The following CAMTA1 variants were observed in gnomAD, a reference collection of about 807,000 sequenced individuals.
The protein encoded by CAMTA1 is calmodulin-binding transcription activator 1.
Under a neutral mutation model 170.9 loss-of-function variants are expected in CAMTA1, and 27 were observed. The ratio of observed to expected loss-of-function variants is 0.16; its 90% confidence interval spans 0.12 to 0.22. The LOEUF is 0.22. CAMTA1 is among the 10% of genes least tolerant of loss of function. The probability of loss-of-function intolerance (pLI) is 1.00; values close to 1 mark genes in which losing one functional copy is unlikely to be tolerated. For missense variants in CAMTA1, 1,619 were observed against 2,217.2 expected (o/e 0.73, Z 5.42); for synonymous variants, 833 against 891.5 (o/e 0.93, Z 1.17).
rs970251730 is a variant in CAMTA1 at position 7,014,549 on chromosome 1, G to C, written c.235-76755G>C. Among the ~76,000 whole-genome samples the C allele has an allele frequency of 6.6e-6, 1 of 152,192 alleles. No homozygotes were observed. Among genetic ancestry groups the C allele is most frequent in the South Asian group, 2.1e-4 (1 of 4,826 alleles). ...GGACTGAGGCCTTTCTGTAACTAAA[G>C]CCCAGCCCAAGTATAGGGAGCAATG... On this transcript the variant is annotated intron_variant, in intron 3 of 22. Transcript: ENST00000303635. This position sits in a 1 kb window ranked among gnomAD's most constrained non-coding sequence, Gnocchi z 4.2.
intron 3 of CAMTA1, among the ~76,000 whole-genome samples, chr1:6,906,354 C>T (rs1678476000): frequency 1.3e-5 from 2 of 152,160 alleles, no homozygotes; most frequent in African/African-American, 2.4e-5. Flanking sequence ...CTGATGCTAG[C>T]TACTTAGAGA....
At chr1:7,545,289 C>G (rs750397857) in intron 6 of CAMTA1, among the ~76,000 whole-genome samples, 2 of 152,184 alleles carry the variant, frequency 1.3e-5, no homozygotes, top group African/African-American at 2.4e-5. Flanking sequence ...CCATCACCCC[C>G]CAAGTATTTT....
chr1:7,523,694 C>T (rs963756056), intron 6 of CAMTA1, among the ~76,000 whole-genome samples: 15 of 146,202 alleles, frequency 1.0e-4, no homozygotes, highest in African/African-American at 3.4e-4. Flanking sequence ...CTGGCTAACA[C>T]GGTGAAACCC....
intron 11 of CAMTA1, among the ~76,000 whole-genome samples, chr1:7,702,784 CGA>C (rs2096456007): frequency 6.6e-6 from 1 of 152,206 alleles, no homozygotes. Flanking sequence ...GTGCCCAGGT[CGA>C]GATTAAAACA....
intron 3 of CAMTA1, among the ~76,000 whole-genome samples, chr1:6,861,102 C>T (rs1664515084): frequency 6.6e-6 from 1 of 151,802 alleles, no homozygotes; most frequent in South Asian, 2.1e-4. Flanking sequence ...GTAGCAGGCA[C>T]ATGCCACCAC....
intron 4 of CAMTA1, among the ~76,000 whole-genome samples, chr1:7,226,284 A>G (rs1274653547): frequency 6.6e-6 from 1 of 152,070 alleles, no homozygotes; most frequent in Non-Finnish European, 1.5e-5. Context: ...CCCTCGTGGA[A>G]TTACAATCAT....
At chr1:6,814,742 G>T (rs1645587239) in intron 1 of CAMTA1, among the ~76,000 whole-genome samples, 2 of 152,202 alleles carry the variant, frequency 1.3e-5, no homozygotes, top group Non-Finnish European at 2.9e-5. Flanking sequence ...TAGTAAAGGT[G>T]CTAAGATTCA....
intron 6 of CAMTA1, among the ~76,000 whole-genome samples, chr1:7,493,196 CACAA>C (rs2093757233): frequency 6.7e-6 from 1 of 150,034 alleles, no homozygotes; most frequent in Admixed American, 6.6e-5. Context: ...CACGCACACA[CACAA>C]ACACAAACCT....
At chr1:6,856,666 C>G (rs1557706175) in intron 3 of CAMTA1, among the ~76,000 whole-genome samples, 1 of 152,142 alleles carries the variant, frequency 6.6e-6, no homozygotes, top group Admixed American at 6.5e-5. Flanking sequence ...AGAATGGGTA[C>G]ATACTTACAC....
In CAMTA1 at chr1:7,249,177, T is replaced by C. The variant is rs1666270061; in HGVS notation, c.303-314T>C. On this transcript the variant is annotated intron_variant, in intron 4 of 22. Coordinates refer to ENST00000303635, the MANE Select transcript of CAMTA1 (RefSeq NM_015215.4). This position sits in a 1 kb window ranked among gnomAD's most constrained non-coding sequence, Gnocchi z 4.4. Reference sequence around the variant, plus strand: ...GGCTCTTTTTGCTTTCTGTCTCTGTTTTGCCTACTTTTCAGTGCAGAGCTC... The same window carrying C: ...GGCTCTTTTTGCTTTCTGTCTCTGTCTTGCCTACTTTTCAGTGCAGAGCTC... Among the ~76,000 whole-genome samples, 1 of 152,140 alleles carries C rather than the reference T, an allele frequency of 6.6e-6. No homozygotes were observed. Among genetic ancestry groups the C allele is most frequent in the Non-Finnish European group, 1.5e-5 (1 of 68,020 alleles).
At chr1:6,960,728 T>C (rs891642607) in intron 3 of CAMTA1, among the ~76,000 whole-genome samples, 1 of 152,220 alleles carries the variant, frequency 6.6e-6, no homozygotes, top group Non-Finnish European at 1.5e-5. Context: ...TTTGTGTCAT[T>C]GTGCCTGGGG....
intron 5 of CAMTA1, among the ~76,000 whole-genome samples, chr1:7,271,732 A>C (rs762493226): frequency 6.6e-6 from 1 of 152,144 alleles, no homozygotes; most frequent in African/African-American, 2.4e-5. Context: ...AGATAGATGG[A>C]TAGACAGACA....
At chr1:7,115,483 A>G (rs1644279104) in intron 4 of CAMTA1, among the ~76,000 whole-genome samples, 1 of 92,874 alleles carries the variant, frequency 1.1e-5, no homozygotes, top group South Asian at 4.3e-4. Context: ...TTCCAGTGTG[A>G]GTCCGAAAAC....
chr1:7,390,549 A>G (rs2088583781), intron 5 of CAMTA1, among the ~76,000 whole-genome samples: 1 of 152,226 alleles, frequency 6.6e-6, no homozygotes. Context: ...TCTGGGCCTC[A>G]GTTTCCTCCT....
At chr1:7,434,892 A>AT (rs2092298478) in intron 5 of CAMTA1, among the ~76,000 whole-genome samples, 2 of 151,828 alleles carry the variant, frequency 1.3e-5, no homozygotes, top group South Asian at 4.1e-4. Flanking sequence ...AAAAAAAAAA[A>AT]AATACAGAAA....
At position 6,961,556 on chromosome 1, in the gene CAMTA1, G is replaced by T. The variant is rs1373774254; in HGVS notation, c.235-129748G>T. ...AGTGGCAGCCTGGGCTGAGCCGGGG[G>T]CGTGAGAGCCCAGGGCTCTCAGTCA... On this transcript the variant is annotated intron_variant, in intron 3 of 22. Coordinates refer to ENST00000303635, the MANE Select transcript of CAMTA1 (RefSeq NM_015215.4). Among the ~76,000 whole-genome samples the T allele has an allele frequency of 5.3e-5, 8 of 151,846 alleles. No homozygotes were observed. The East Asian group carries it at 1.4e-3, about 26-fold the overall frequency.
chr1:7,505,001 C>T (rs1255206902), intron 6 of CAMTA1, among the ~76,000 whole-genome samples: 2 of 149,862 alleles, frequency 1.3e-5, no homozygotes, highest in Admixed American at 1.3e-4. Flanking sequence ...TAGCGCACAG[C>T]CTCCTTCACG....
At chr1:7,236,443 A>G (rs899014120) in intron 4 of CAMTA1, among the ~76,000 whole-genome samples, 3 of 152,198 alleles carry the variant, frequency 2.0e-5, no homozygotes, top group African/African-American at 4.8e-5. Context: ...TCCCCAAAGT[A>G]CTATGAGTTG....
rs74051546 is a variant in CAMTA1 at position 7,258,950 on chromosome 1, C to T, written c.438+9324C>T. Among the ~76,000 whole-genome samples, 231 of 152,212 alleles carry T rather than the reference C, an allele frequency of 1.5e-3. 2 individuals are homozygous for T. Among genetic ancestry groups the T allele is most frequent in the African/African-American group, 5.3e-3 (220 of 41,528 alleles). The stretch of plus-strand genomic sequence containing the variant: ...GGCTCATACCACTCTGCTTCCCACA[C>T]GCCGGGGCAAAAATCATGAGGAAAA... On this transcript the variant is annotated intron_variant, in intron 5 of 22. Transcript: ENST00000303635.
Sources: allele counts gnomAD v4.1 joint callset (sites outside exome capture counted in the v4.1 genomes callset), GRCh38; gene constraint gnomAD v4.1.1; non-coding constraint Gnocchi (gnomAD v3.1); transcripts MANE v1.5; gene names NCBI Gene and HGNC (gene_info 2026-07-23, HGNC 2026-07-21).